The following ADAMTS4 variants were observed in gnomAD, a reference collection of about 807,000 sequenced individuals.
ADAMTS4 encodes the protein ADAM metallopeptidase with thrombospondin type 1 motif 4, also known as A disintegrin and metalloproteinase with thrombospondin motifs 4.
ADAMTS4 carries 38 observed loss-of-function variants against 66.7 expected under a neutral mutation model. The ratio of observed to expected loss-of-function variants is 0.57; its 90% CI spans 0.44 to 0.75. The LOEUF is 0.75. Among genes scored for constraint, ADAMTS4 ranks in the 30% least tolerant of loss-of-function variants. ADAMTS4 has a pLI of 0.00. For missense variants in ADAMTS4, 1,014 were observed against 1,116.7 expected (o/e 0.91, Z 1.31); for synonymous variants, 418 against 461.5 (o/e 0.91, Z 1.21).
In ADAMTS4 at chr1:161,194,259, T is replaced by C. The variant is rs1452874120; in HGVS notation, c.1262-38A>G. 1.3e-6 allele frequency: 2 copies of C among 1,588,268 alleles called. No homozygotes were observed. Among genetic ancestry groups the C allele is most frequent in the East Asian group, 2.2e-5 (1 of 44,562 alleles). ...TTGGGGCACAAAGTCAGCAACGGGC[T>C]GAGGGGAGCATTCAGGATTGCCAGC... On this transcript the variant is annotated intron_variant, in intron 4 of 8. Coordinates refer to ENST00000367996, the MANE Select transcript of ADAMTS4 (RefSeq NM_005099.6). The surrounding 1 kb of genome is among the most constrained non-coding windows in gnomAD (Gnocchi z 4.1).
Position 161,191,555 on chromosome 1 carries a change from G to C in ADAMTS4, c.2097C>G (p.Tyr699Ter). 1 of 1,609,800 alleles carries C rather than the reference G, an allele frequency of 6.2e-7. No individual in the cohort carries two copies. Among genetic ancestry groups the C allele is most frequent in the Non-Finnish European group, 8.5e-7 (1 of 1,177,538 alleles). The change falls in exon 9 of 9, where the codon TAC becomes TAG. Residue 699 changes from tyrosine to a stop codon, truncating the protein, a stop_gained. Transcript: ENST00000367996. LOFTEE classifies it low-confidence loss of function (END_TRUNC). The stretch of plus-strand genomic sequence containing the variant: ...CCGCGGGGATAGTGACCACATTGTT[G>C]TATCCGTACCTGTGTGGAAGGAGTA... ...SGSFRKFRYG[Y>*]NNVVTIPAGA...
chr1:161,193,443 C>T lies in ADAMTS4; in HGVS notation c.1736-55G>A. ...CTTCCTTCCTCACATCACCCCACAT[C>T]CCTCCACCCAACCCCTGAGAACTCT... On this transcript the variant is annotated intron_variant, in intron 6 of 8. Coordinates refer to ENST00000367996, the MANE Select transcript of ADAMTS4 (RefSeq NM_005099.6). The surrounding 1 kb of genome is among the most constrained non-coding windows in gnomAD (Gnocchi z 4.4). 1 of 1,583,888 alleles carries T rather than the reference C, an allele frequency of 6.3e-7. No individual in the cohort carries two copies. Among genetic ancestry groups the T allele is most frequent in the Non-Finnish European group, 8.6e-7 (1 of 1,163,138 alleles).
rs142313268 is a variant in ADAMTS4, at chr1:161,189,498, G to A, written c.*1640C>T. 1 of 152,240 alleles carries A rather than the reference G, an allele frequency of 6.6e-6. No homozygotes were observed. Among genetic ancestry groups the A allele is most frequent in the Non-Finnish European group, 1.5e-5 (1 of 68,020 alleles). 9.4% of individuals were successfully genotyped at this position (152,240 alleles called of 1,614,324 possible). On this transcript the variant is annotated 3_prime_UTR_variant, in exon 9 of 9. Transcript: ENST00000367996. ...TCTTGTCAATTGTATTTGTAGCCAC[G>A]TGCTTACTATGTTTCCTTCCTGTGA...
Position 161,198,548 on chromosome 1 carries a change from G to T in ADAMTS4, c.80C>A (p.Pro27His). Residue 27 changes from proline (P) to histidine (H), a missense_variant, in exon 1 of 9, where the codon CCC becomes CAC. Coordinates refer to ENST00000367996, the MANE Select transcript of ADAMTS4 (RefSeq NM_005099.6). The surrounding 1 kb of genome is among the most constrained non-coding windows in gnomAD (Gnocchi z 4.7). ...CACCAGCCAGGAGAGCGGCACAATG[G>T]GGAGCAGGAGGCAGGGTTGGGCTCC... is the stretch of plus-strand genomic sequence containing the variant. ...LWGAQPCLLL[P>H]IVPLSWLVWL... 1 of 1,563,832 alleles carries T rather than the reference G, an allele frequency of 6.4e-7. No individual in the cohort carries two copies. Among genetic ancestry groups the T allele is most frequent in the East Asian group, 2.4e-5 (1 of 42,000 alleles).
Position 161,198,898 on chromosome 1 carries a change from T to G in ADAMTS4, c.-271A>C, listed in dbSNP as rs780937929. 2.0e-4 allele frequency: 84 copies of G among 416,922 alleles called. No individual in the cohort carries two copies. Among genetic ancestry groups the G allele is most frequent in the Admixed American group, 8.0e-5 (2 of 25,152 alleles). 25.8% of individuals were successfully genotyped at this position (416,922 alleles called of 1,614,324 possible). On this transcript the variant is annotated 5_prime_UTR_variant, in exon 1 of 9. Coordinates refer to ENST00000367996, the MANE Select transcript of ADAMTS4 (RefSeq NM_005099.6). This position sits in a 1 kb window ranked among gnomAD's most constrained non-coding sequence, Gnocchi z 4.7. ...TTTGTCTCTCCCTGCCTGTGTCTTC[T>G]GCAGCTTCTCTGGCCTCTCCCTCTG...
Position 161,193,547 on chromosome 1 carries a change from G to A in ADAMTS4, c.1735+93C>T, listed in dbSNP as rs1338524655. ...TTAAAGGCACTCCCCACAGCAGCAG[G>A]GGAATCAACACCCCCTTGGTCTTGC... On this transcript the variant is annotated intron_variant, in intron 6 of 8. Transcript: ENST00000367996. The surrounding 1 kb of genome is among the most constrained non-coding windows in gnomAD (Gnocchi z 4.4). 3 of 1,523,838 alleles carry A rather than the reference G, an allele frequency of 2.0e-6. No individual in the cohort carries two copies. Among genetic ancestry groups the A allele is most frequent in the South Asian group, 2.5e-5 (2 of 79,596 alleles). 94.4% of individuals were successfully genotyped at this position (1,523,838 alleles called of 1,614,324 possible).
At position 161,196,597 on chromosome 1, in the gene ADAMTS4, T is replaced by C; in HGVS notation, c.917A>G (p.Asp306Gly). Reference sequence around the variant, plus strand: ...AATGGCTGTGTCAAAGTGGTCAGGGTCCGAGTCCTCAGGGGTGTTGAGGCC... The same window carrying C: ...AATGGCTGTGTCAAAGTGGTCAGGGCCCGAGTCCTCAGGGGTGTTGAGGCC... ...QRGLNTPEDS[D>G]PDHFDTAILF... is the part of the protein sequence containing the mutation. Residue 306 changes from aspartate (D) to glycine (G), a missense_variant, in exon 2 of 9, where the codon GAC becomes GGC. Physicochemically the swap from Asp to Gly is moderately conservative, Grantham distance 94 (BLOSUM62 -1). Transcript: ENST00000367996. 5 of 1,614,164 alleles carry C rather than the reference T, an allele frequency of 3.1e-6. No individual in the cohort carries two copies. The highest frequency in any genetic ancestry group is 2.2e-5 in the East Asian group (1 of 44,876).
In ADAMTS4 at chr1:161,195,616, G is replaced by C. The variant is rs775603109; in HGVS notation, c.1110C>G (p.Leu370=). 1.2e-6 allele frequency: 2 copies of C among 1,613,176 alleles called. No homozygotes were observed. The highest frequency in any genetic ancestry group is 8.5e-7 in the Non-Finnish European group (1 of 1,179,524). The change falls in exon 4 of 9, where the codon CTC becomes CTG. Residue 370 remains leucine (L), a synonymous_variant. Transcript: ENST00000367996. ...TGATGCATGGCTTGGAGTTGTCATG[G>C]AGCATGTTGAAGACATGACCTGTGG... The part of the protein sequence containing the change: ...AHELGHVFNM[L]HDNSKPCISL...
rs1174810435 is a variant in ADAMTS4, at chr1:161,189,293, C to T, written c.*1845G>A. On this transcript the variant is annotated 3_prime_UTR_variant, in exon 9 of 9. Transcript: ENST00000367996. ...CTCAGCATCAGTGACTTACCCAACACCACCCAGCTAATAAGACGCCGAGCC... is the reference window on the plus strand; with the variant it reads ...CTCAGCATCAGTGACTTACCCAACATCACCCAGCTAATAAGACGCCGAGCC... 1 of 152,176 alleles carries T rather than the reference C, an allele frequency of 6.6e-6. No homozygotes were observed. Among genetic ancestry groups the T allele is most frequent in the Non-Finnish European group, 1.5e-5 (1 of 68,036 alleles). 9.4% of individuals were successfully genotyped at this position (152,176 alleles called of 1,614,324 possible).
chr1:161,192,337 T>C lies in ADAMTS4; in HGVS notation c.1912-97A>G, dbSNP rs76040723. 4.4e-4 allele frequency: 570 copies of C among 1,287,682 alleles called. 2 individuals carry two copies. In the African/African-American group the frequency reaches 7.4e-3, roughly 17 times the overall value. The allele number at this position is 1,287,682 out of a possible 1,614,324, so 79.8% of individuals were successfully genotyped here. A position where few individuals can be genotyped will look rare whatever the true frequency, so the allele number is the denominator to read the frequency against. ...CCATGTCCCATCAGGGAAGCAATGT[T>C]GTCGGAAAAGTTGGATGAAGTAGGG... On this transcript the variant is annotated intron_variant, in intron 7 of 8. Coordinates refer to ENST00000367996, the MANE Select transcript of ADAMTS4 (RefSeq NM_005099.6).
At position 161,194,344 on chromosome 1, in the gene ADAMTS4, G is replaced by A; in HGVS notation, c.1262-123C>T. On this transcript the variant is annotated intron_variant, in intron 4 of 8. Coordinates refer to ENST00000367996, the MANE Select transcript of ADAMTS4 (RefSeq NM_005099.6). The surrounding 1 kb of genome is among the most constrained non-coding windows in gnomAD (Gnocchi z 4.1). Reference sequence around the variant, plus strand: ...TAGAAAAACAATCCTAGGACTATAAGAGGATTTAAATTTTTGTTATTTATA... The same window carrying A: ...TAGAAAAACAATCCTAGGACTATAAAAGGATTTAAATTTTTGTTATTTATA... The A allele has an allele frequency of 1.2e-6, 1 of 804,148 alleles. No homozygotes were observed. The highest frequency in any genetic ancestry group is 1.9e-6 in the Non-Finnish European group (1 of 537,884). 49.8% of individuals were successfully genotyped at this position (804,148 alleles called of 1,614,324 possible). A position where few individuals can be genotyped will look rare whatever the true frequency, so the allele number is the denominator to read the frequency against.
rs115479312 is a variant in ADAMTS4 at position 161,191,248 on chromosome 1, C to G, written c.2404G>C (p.Val802Leu). 14 of 1,613,620 alleles carry G rather than the reference C, an allele frequency of 8.7e-6. No individual in the cohort carries two copies. The highest frequency in any genetic ancestry group is 1.2e-5 in the Non-Finnish European group (14 of 1,179,884). Reference sequence around the variant, plus strand: ...GGCGTTGAAGGGGTCGGCCGGGGCACGAAGAAGCTGTATCGGAGGCGTGTG... The same window carrying G: ...GGCGTTGAAGGGGTCGGCCGGGGCAGGAAGAAGCTGTATCGGAGGCGTGTG... ...QDTRLRYSFF[V>L]PRPTPSTPRP... Residue 802 changes from valine (V) to leucine (L), a missense_variant, in exon 9 of 9, where the codon GTG (valine) becomes CTG (leucine). By Grantham distance (32) the Val-to-Leu change is conservative. Transcript: ENST00000367996.
chr1:161,192,295 G>T, intron 7 of ADAMTS4, 55 bp from the exon 8 acceptor site: 1 of 1,557,426 alleles, frequency 6.4e-7, no homozygotes, highest in South Asian at 1.2e-5. Context: ...AAAAGGGGTT[G>T]GTAAATCAAA....
chr1:161,186,564 G>A lies in ADAMTS4; in HGVS notation c.*4574C>T, dbSNP rs1664544596. ...CTCTTAAAATAACAGGCAGAAAAGT[G>A]ATTTAAAAGTGAATCTACACCTGTA... is the stretch of plus-strand genomic sequence containing the variant. On this transcript the variant is annotated 3_prime_UTR_variant, in exon 9 of 9. Coordinates refer to ENST00000367996, the MANE Select transcript of ADAMTS4 (RefSeq NM_005099.6). The A allele has an allele frequency of 6.6e-6, 1 of 150,800 alleles. No individual in the cohort carries two copies. The highest frequency in any genetic ancestry group is 1.5e-5 in the Non-Finnish European group (1 of 67,350). The allele number at this position is 150,800 out of a possible 1,614,324, so 9.3% of individuals were successfully genotyped here. A position where few individuals can be genotyped will look rare whatever the true frequency, so the allele number is the denominator to read the frequency against.
At chr1:161,197,072 G>C (rs1664873075) in intron 1 of ADAMTS4, 192 bp from the exon 2 acceptor site, 1 of 582,838 alleles carries the variant, frequency 1.7e-6, no homozygotes. Context: ...CAGGGCTTTT[G>C]TGGTAACTCT....
rs149411602 is a variant in ADAMTS4 at position 161,192,307 on chromosome 1, G to A, written c.1912-67C>T. On this transcript the variant is annotated intron_variant, in intron 7 of 8. Transcript: ENST00000367996. Reference sequence around the variant, plus strand: ...GTCAAAAGGGGTTGGTAAATCAAACGAGACCCATGTCCCATCAGGGAAGCA... The same window carrying A: ...GTCAAAAGGGGTTGGTAAATCAAACAAGACCCATGTCCCATCAGGGAAGCA... 315 of 1,499,322 alleles carry A rather than the reference G, an allele frequency of 2.1e-4. 1 individual carries two copies. In the East Asian group the frequency reaches 5.6e-3, roughly 26 times the overall value. 92.9% of individuals were successfully genotyped at this position (1,499,322 alleles called of 1,614,324 possible).
chr1:161,194,336 G>T lies in ADAMTS4; in HGVS notation c.1262-115C>A. The T allele has an allele frequency of 1.2e-6, 1 of 858,750 alleles. No individual in the cohort carries two copies. The highest frequency in any genetic ancestry group is 1.7e-6 in the Non-Finnish European group (1 of 580,228). 53.2% of individuals were successfully genotyped at this position (858,750 alleles called of 1,614,324 possible). A position where few individuals can be genotyped will look rare whatever the true frequency, so the allele number is the denominator to read the frequency against. On this transcript the variant is annotated intron_variant, in intron 4 of 8. Coordinates refer to ENST00000367996, the MANE Select transcript of ADAMTS4 (RefSeq NM_005099.6). The surrounding 1 kb of genome is among the most constrained non-coding windows in gnomAD (Gnocchi z 4.1). ...ATGGAGCCTAGAAAAACAATCCTAG[G>T]ACTATAAGAGGATTTAAATTTTTGT...
chr1:161,196,889 A>G lies in ADAMTS4; in HGVS notation c.634-9T>C, dbSNP rs745636301. The G allele has an allele frequency of 1.9e-6, 3 of 1,576,048 alleles. No homozygotes were observed. Among genetic ancestry groups the G allele is most frequent in the South Asian group, 2.3e-5 (2 of 88,350 alleles). On this transcript the variant is annotated splice_polypyrimidine_tract_variant and intron_variant, in intron 1 of 8. Coordinates refer to ENST00000367996, the MANE Select transcript of ADAMTS4 (RefSeq NM_005099.6). ...CTCAGTGAAGCAAAGCGCTGTAGAG[A>G]AAAAGGGAGAGGAAGATCCTGAAAT...
Position 161,188,399 on chromosome 1 carries a change from T to A in ADAMTS4, c.*2739A>T, listed in dbSNP as rs1213339178. 5 of 149,912 alleles carry A rather than the reference T, an allele frequency of 3.3e-5. No individual in the cohort carries two copies. Among genetic ancestry groups the A allele is most frequent in the Admixed American group, 1.3e-4 (2 of 14,998 alleles). 9.3% of individuals were successfully genotyped at this position (149,912 alleles called of 1,614,324 possible). A position where few individuals can be genotyped will look rare whatever the true frequency, so the allele number is the denominator to read the frequency against. On this transcript the variant is annotated 3_prime_UTR_variant, in exon 9 of 9. Transcript: ENST00000367996. ...GACTACAGGTGCCACCACGCCCGGC[T>A]AATTTTTCAATCTTTTTTTTTTTTG...
Sources: gnomAD v4.1 joint callset for allele counts on GRCh38, gnomAD v4.1.1 for gene constraint, Gnocchi (gnomAD v3.1) non-coding constraint, MANE v1.5 for transcripts, NCBI Gene and HGNC (gene_info 2026-07-23, HGNC 2026-07-21) for gene names.